Variants in IGF2BP3 observed in about 807,000 individuals in gnomAD.
The protein encoded by IGF2BP3 is insulin-like growth factor 2 mRNA-binding protein 3.
IGF2BP3 carries 9 observed loss-of-function variants against 73.8 expected under a neutral mutation model. The ratio of observed to expected loss-of-function variants is 0.12; its 90% CI spans 0.07 to 0.21. The LOEUF is 0.21. Among genes scored for constraint, IGF2BP3 ranks in the 10% least tolerant of loss-of-function variants. The pLI, the probability that IGF2BP3 is intolerant of heterozygous loss-of-function variation, is 1.00. For synonymous variants in IGF2BP3, 258 were observed against 256.7 expected (o/e 1.01, Z -0.05); for missense variants, 542 against 714.0 (o/e 0.76, Z 2.75).
chr7:23,316,423 T>C (rs1386359321), intron 12 of IGF2BP3, among the ~76,000 whole-genome samples: 1 of 152,182 alleles, frequency 6.6e-6, no homozygotes. Context: ...GGCTGATGCC[T>C]GTAATCCCAG....
intron 5 of IGF2BP3, among the ~76,000 whole-genome samples, chr7:23,352,431 G>C (rs779447377): frequency 6.6e-6 from 1 of 151,876 alleles, no homozygotes; most frequent in Non-Finnish European, 1.5e-5. Flanking sequence ...TGGGATTATA[G>C]GCATGCACCA....
Position 23,389,412 on chromosome 7 carries a change from A to G in IGF2BP3, c.286-27671T>C, listed in dbSNP as rs370328639. Among the ~76,000 whole-genome samples the G allele has an allele frequency of 1.6e-4, 25 of 152,244 alleles. 1 individual carries two copies. The highest frequency in any genetic ancestry group is 9.2e-4 in the Admixed American group (14 of 15,282). Reference sequence around the variant, plus strand: ...CGTGACCTGGTGATCTGCCCACCTCAGCCTCCCAAAGTGCTGGGATTTACA... The same window carrying G: ...CGTGACCTGGTGATCTGCCCACCTCGGCCTCCCAAAGTGCTGGGATTTACA... On this transcript the variant is annotated intron_variant, in intron 3 of 14. Transcript: ENST00000258729.
intron 2 of IGF2BP3, among the ~76,000 whole-genome samples, chr7:23,440,256 TGTTTA>T (rs988481073): frequency 2.6e-5 from 3 of 115,134 alleles, no homozygotes; most frequent in South Asian, 2.9e-4. Flanking sequence ...GAGCAGAAAT[TGTTTA>T]GTTATTTCAA....
At chr7:23,429,092 C>G (rs1368050277) in intron 2 of IGF2BP3, among the ~76,000 whole-genome samples, 8 of 152,108 alleles carry the variant, frequency 5.3e-5, no homozygotes, top group African/African-American at 1.9e-4. Context: ...AGAAAAAGTA[C>G]AGAGAGACTA....
intron 3 of IGF2BP3, among the ~76,000 whole-genome samples, chr7:23,396,792 G>C (rs1482899215): frequency 6.6e-6 from 1 of 152,174 alleles, no homozygotes; most frequent in African/African-American, 2.4e-5. Flanking sequence ...AGGAAGTAAA[G>C]TACTTCACAG....
intron 3 of IGF2BP3, among the ~76,000 whole-genome samples, chr7:23,400,909 C>T (rs1256208886): frequency 1.3e-5 from 2 of 152,216 alleles, no homozygotes; most frequent in African/African-American, 2.4e-5. Flanking sequence ...AAGTAATTCA[C>T]GTGCCTCAGC....
intron 3 of IGF2BP3, among the ~76,000 whole-genome samples, chr7:23,377,959 G>C (rs149645745): frequency 6.6e-6 from 1 of 152,274 alleles, no homozygotes; most frequent in African/African-American, 2.4e-5. Context: ...CTGGAAGATA[G>C]GAGGGGCAAG....
Position 23,424,130 on chromosome 7 carries a change from T to C in IGF2BP3, c.237-5306A>G, listed in dbSNP as rs1787430631. ...GAGACTCCATCTCAAACAAAAAAAT[T>C]TTTTTTTCAACACAGTTTAAGGGTT... is the stretch of plus-strand genomic sequence containing the variant. On this transcript the variant is annotated intron_variant, in intron 2 of 14. Coordinates refer to ENST00000258729, the MANE Select transcript of IGF2BP3 (RefSeq NM_006547.3). 2.6e-5 allele frequency among the ~76,000 whole-genome samples: 4 copies of C among 151,234 alleles called. No individual in the cohort carries two copies. The South Asian group carries it at 8.4e-4, about 32-fold the overall frequency.
intron 3 of IGF2BP3, among the ~76,000 whole-genome samples, chr7:23,387,288 C>G (rs778560889): frequency 6.6e-6 from 1 of 152,044 alleles, no homozygotes; most frequent in South Asian, 2.1e-4. Context: ...GACAAAATAC[C>G]TGATCAATAT....
At position 23,312,515 on chromosome 7, in the gene IGF2BP3, T is replaced by C. The variant is rs80009109; in HGVS notation, c.1642-55A>G. On this transcript the variant is annotated intron_variant, in intron 14 of 14. Coordinates refer to ENST00000258729, the MANE Select transcript of IGF2BP3 (RefSeq NM_006547.3). The stretch of plus-strand genomic sequence containing the variant: ...CTTGATCAAAAGCTACTAAAAGTTA[T>C]TGTACTCCTTCATTTCAACAATTTC... 10,289 of 1,215,714 alleles carry C rather than the reference T, an allele frequency of 8.5e-3. 329 individuals are homozygous for C. In the African/African-American group the frequency reaches 0.095, roughly 11 times the overall value. 75.3% of individuals were successfully genotyped at this position (1,215,714 alleles called of 1,614,324 possible).
At chr7:23,337,957 C>T (rs1300154930) in intron 10 of IGF2BP3, among the ~76,000 whole-genome samples, 1 of 152,208 alleles carries the variant, frequency 6.6e-6, no homozygotes, top group African/African-American at 2.4e-5. Context: ...ATGGTGGAAC[C>T]ACTTCCAGCC....
intron 5 of IGF2BP3, among the ~76,000 whole-genome samples, chr7:23,355,184 A>G (rs1026436904): frequency 6.6e-6 from 1 of 151,638 alleles, no homozygotes; most frequent in Non-Finnish European, 1.5e-5. Context: ...TTTATCCAAC[A>G]TGTATATTAC....
At chr7:23,315,135 T>A (rs979788551) in intron 12 of IGF2BP3, among the ~76,000 whole-genome samples, 71 of 146,814 alleles carry the variant, frequency 4.8e-4, no homozygotes, top group African/African-American at 1.6e-3. Flanking sequence ...TTTTATTTTA[T>A]TTTTTTTAGA....
At chr7:23,347,541 G>A (rs2128503470) in intron 7 of IGF2BP3, 59 bp downstream of exon 7, 1 of 1,566,124 alleles carries the variant, frequency 6.4e-7, no homozygotes, top group Non-Finnish European at 8.7e-7. Context: ...TGTCAGAGAT[G>A]TCAAAAATAC....
chr7:23,327,338 T>G (rs1270416988), intron 10 of IGF2BP3, among the ~76,000 whole-genome samples: 1 of 148,716 alleles, frequency 6.7e-6, no homozygotes, highest in African/African-American at 2.5e-5. Flanking sequence ...TGGAGTGCAG[T>G]GGCGCAATCT....
chr7:23,468,333 G>A (rs1174687456), intron 2 of IGF2BP3, 149 bp downstream of exon 2: 10 of 788,284 alleles, frequency 1.3e-5, no homozygotes, highest in East Asian at 2.4e-5. Context: ...ACACACCCCC[G>A]CCATAAACTT....
intron 3 of IGF2BP3, chr7:23,414,895 C>T: frequency 1.2e-5 from 2 of 169,826 alleles, no homozygotes; most frequent in South Asian, 1.2e-4. Flanking sequence ...GGTCCCTGTC[C>T]ATCAGTCGGC....
At chr7:23,341,446 A>G (rs939416255) in intron 10 of IGF2BP3, among the ~76,000 whole-genome samples, 2 of 152,192 alleles carry the variant, frequency 1.3e-5, no homozygotes, top group Non-Finnish European at 1.5e-5. Flanking sequence ...CAGGCAGACC[A>G]CTGGAGGCCA....
At chr7:23,449,350 T>C (rs1788139606) in intron 2 of IGF2BP3, among the ~76,000 whole-genome samples, 1 of 151,758 alleles carries the variant, frequency 6.6e-6, no homozygotes, top group Non-Finnish European at 1.5e-5. Context: ...ACCCCGTCTC[T>C]ACTAAAAATA....
Sources: gnomAD v4.1 joint callset for allele counts (sites outside exome capture counted in the v4.1 genomes callset) on GRCh38, gnomAD v4.1.1 for gene constraint, MANE v1.5 for transcripts, NCBI Gene and HGNC (gene_info 2026-07-23, HGNC 2026-07-21) for gene names.